Variants in GUCY1A2 observed in about 807,000 individuals in gnomAD.
GUCY1A2 encodes guanylate cyclase soluble subunit alpha-2.
In GUCY1A2, 27 loss-of-function variants were observed where a neutral mutation model predicts 63.5. The ratio of observed to expected loss-of-function variants is 0.43; its 90% CI spans 0.31 to 0.59. The LOEUF is 0.59. GUCY1A2 is among the 20% of genes least tolerant of loss of function. GUCY1A2 has a pLI of 0.11. For synonymous variants in GUCY1A2, 364 were observed against 343.5 expected (o/e 1.06, Z -0.66); for missense variants, 768 against 913.3 (o/e 0.84, Z 2.05).
At chr11:106,756,132 G>C (rs549903400) in intron 6 of GUCY1A2, among the ~76,000 whole-genome samples, 129 of 152,158 alleles carry the variant, frequency 8.5e-4, no homozygotes, top group Non-Finnish European at 1.7e-3. Context: ...GATCTTTGTT[G>C]GTTTGAAGTC....
intron 6 of GUCY1A2, among the ~76,000 whole-genome samples, chr11:106,739,662 T>A (rs1460350364): frequency 6.6e-6 from 1 of 152,202 alleles, no homozygotes; most frequent in East Asian, 1.9e-4. Flanking sequence ...ATTAGTTTCT[T>A]ATTATCTATA....
Position 106,684,341 on chromosome 11 carries a change from G to A in GUCY1A2, c.*3208C>T, listed in dbSNP as rs1023396000. The A allele has an allele frequency of 6.3e-5, 12 of 189,404 alleles. No homozygotes were observed. In the South Asian group the frequency reaches 1.8e-3, roughly 28 times the overall value. The allele number at this position is 189,404 out of a possible 1,614,324, so 11.7% of individuals were successfully genotyped here. On this transcript the variant is annotated 3_prime_UTR_variant, in exon 8 of 8. Transcript: ENST00000526355. The stretch of plus-strand genomic sequence containing the variant: ...AGATGAATATAAAGGCAGATTGTAC[G>A]CAATTGGGTCCCATGTTACCTGGAA...
intron 6 of GUCY1A2, among the ~76,000 whole-genome samples, chr11:106,727,542 T>C (rs1396368264): frequency 6.6e-6 from 1 of 152,180 alleles, no homozygotes; most frequent in East Asian, 1.9e-4. Context: ...CCTGAAGAAT[T>C]TTCAATCTAC....
rs187308875 is a variant in GUCY1A2 at position 106,776,104 on chromosome 11, T to C, written c.1836+335A>G. On this transcript the variant is annotated intron_variant, in intron 6 of 7. Coordinates refer to ENST00000526355, the MANE Select transcript of GUCY1A2 (RefSeq NM_000855.3). The stretch of plus-strand genomic sequence containing the variant: ...CTTGCTTTTTTTGTGTTTTACTTCT[T>C]GGATTACCTCTAAAACTCCGAATCT... 1.4e-3 allele frequency among the ~76,000 whole-genome samples: 208 copies of C among 152,298 alleles called. 1 individual carries two copies. Among genetic ancestry groups the C allele is most frequent in the African/African-American group, 4.8e-3 (200 of 41,562 alleles).
chr11:106,827,833 T>A (rs1858993400), intron 4 of GUCY1A2: 1 of 1,600,096 alleles, frequency 6.2e-7, no homozygotes, highest in Non-Finnish European at 8.6e-7. Context: ...ACGCCCGCGA[T>A]GCCGCCGCCG....
At chr11:106,820,230 C>A (rs1290675472) in intron 4 of GUCY1A2, among the ~76,000 whole-genome samples, 1 of 151,934 alleles carries the variant, frequency 6.6e-6, no homozygotes, top group South Asian at 2.1e-4. Flanking sequence ...AAATATCATC[C>A]TAATGTCTGC....
chr11:106,812,961 C>A (rs1858781820), intron 4 of GUCY1A2, among the ~76,000 whole-genome samples: 1 of 151,938 alleles, frequency 6.6e-6, no homozygotes, highest in Non-Finnish European at 1.5e-5. Context: ...GTCACCAATG[C>A]ATTTTTACTT....
chr11:106,960,590 GT>G (rs1861046211), intron 3 of GUCY1A2, among the ~76,000 whole-genome samples: 1 of 152,132 alleles, frequency 6.6e-6, no homozygotes, highest in Non-Finnish European at 1.5e-5. Flanking sequence ...GCATATTCAG[GT>G]TCCTTTACAT....
At chr11:106,759,273 T>C (rs1005123809) in intron 6 of GUCY1A2, among the ~76,000 whole-genome samples, 1 of 152,186 alleles carries the variant, frequency 6.6e-6, no homozygotes, top group Admixed American at 6.5e-5. Flanking sequence ...GCATTCTTAA[T>C]GGGTATTTTA....
chr11:106,807,269 T>G (rs1858702299), intron 5 of GUCY1A2, among the ~76,000 whole-genome samples: 1 of 152,212 alleles, frequency 6.6e-6, no homozygotes, highest in Non-Finnish European at 1.5e-5. Flanking sequence ...CCATTAAAAA[T>G]CTGGCAAATA....
At chr11:106,993,614 C>CT (rs1482296689) in intron 1 of GUCY1A2, among the ~76,000 whole-genome samples, 3 of 151,944 alleles carry the variant, frequency 2.0e-5, no homozygotes, top group East Asian at 1.9e-4. Context: ...TGCTACTGAC[C>CT]TTTTTTTAAA....
At chr11:106,726,596 GT>G (rs370730030) in intron 6 of GUCY1A2, among the ~76,000 whole-genome samples, 4 of 152,242 alleles carry the variant, frequency 2.6e-5, no homozygotes, top group African/African-American at 9.6e-5. Context: ...CAGGCTAAAA[GT>G]TTTTAGTGAC....
rs896194462 is a variant in GUCY1A2, at chr11:106,684,335, T to C, written c.*3214A>G. ...AGCAAGAGATGAATATAAAGGCAGA[T>C]TGTACGCAATTGGGTCCCATGTTAC... On this transcript the variant is annotated 3_prime_UTR_variant, in exon 8 of 8. Coordinates refer to ENST00000526355, the MANE Select transcript of GUCY1A2 (RefSeq NM_000855.3). 2 of 189,794 alleles carry C rather than the reference T, an allele frequency of 1.1e-5. No individual in the cohort carries two copies. The highest frequency in any genetic ancestry group is 1.2e-4 in the Admixed American group (2 of 16,168). The allele number at this position is 189,794 out of a possible 1,614,324, so 11.8% of individuals were successfully genotyped here.
At chr11:106,919,030 T>C (rs1288895089) in intron 4 of GUCY1A2, among the ~76,000 whole-genome samples, 1 of 152,176 alleles carries the variant, frequency 6.6e-6, no homozygotes, top group East Asian at 1.9e-4. Flanking sequence ...TATCTATTTA[T>C]TGAATTCCTA....
In GUCY1A2 at chr11:106,744,448, T is replaced by C. The variant is rs201037386; in HGVS notation, c.1836+31991A>G. On this transcript the variant is annotated intron_variant, in intron 6 of 7. Coordinates refer to ENST00000526355, the MANE Select transcript of GUCY1A2 (RefSeq NM_000855.3). ...TTTTAGTAGAGACAGGGTTTCACCA[T>C]GTTACATAAATGCTTTTTAAATCAT... Among the ~76,000 whole-genome samples the C allele has an allele frequency of 5.3e-5, 8 of 152,272 alleles. No individual in the cohort carries two copies. In the East Asian group the frequency reaches 1.2e-3, roughly 22 times the overall value.
chr11:106,691,727 C>T (rs1014463768), intron 7 of GUCY1A2, among the ~76,000 whole-genome samples: 1 of 152,138 alleles, frequency 6.6e-6, no homozygotes, highest in African/African-American at 2.4e-5. Flanking sequence ...ACAGAGACAA[C>T]AGTTTTTATG....
At chr11:106,869,992 A>C (rs1032118096) in intron 4 of GUCY1A2, among the ~76,000 whole-genome samples, 7 of 151,944 alleles carry the variant, frequency 4.6e-5, no homozygotes, top group Non-Finnish European at 7.4e-5. Flanking sequence ...CATTCTCAGG[A>C]AACTATCGCA....
At chr11:106,979,100 G>T (rs1486679025) in intron 2 of GUCY1A2, among the ~76,000 whole-genome samples, 2 of 152,182 alleles carry the variant, frequency 1.3e-5, no homozygotes, top group Non-Finnish European at 2.9e-5. Flanking sequence ...ATGTTAATTT[G>T]GTGTCCTGGC....
At position 106,698,119 on chromosome 11, in the gene GUCY1A2, A is replaced by ATTTTTTTTTTTTTTTTTTTTTTTTTT. The variant is rs71470827; in HGVS notation, c.1992-10364_1992-10363insAAAAAAAAAAAAAAAAAAAAAAAAAA. ...TTTACAGCTTTCACTGAATGTTAGA[A>ATTTTTTTTTTTTTTTTTTTTTTTTTT]TTTTTTTTTTTTTTTTTTTAGACAG... On this transcript the variant is annotated intron_variant, in intron 7 of 7. Coordinates refer to ENST00000526355, the MANE Select transcript of GUCY1A2 (RefSeq NM_000855.3). 8.2e-4 allele frequency among the ~76,000 whole-genome samples: 82 copies of ATTTTTTTTTTTTTTTTTTTTTTTTTT among 100,460 alleles called. 12 individuals carry two copies. Among genetic ancestry groups the ATTTTTTTTTTTTTTTTTTTTTTTTTT allele is most frequent in the Non-Finnish European group, 1.0e-3 (54 of 51,998 alleles). 65.9% of individuals were successfully genotyped at this position (100,460 alleles called of 152,430 possible).
Sources: allele counts gnomAD v4.1 joint callset (sites outside exome capture counted in the v4.1 genomes callset), GRCh38; gene constraint gnomAD v4.1.1; transcripts MANE v1.5; gene names NCBI Gene and HGNC (gene_info 2026-07-23, HGNC 2026-07-21).